Variants in DPP3 observed in about 807,000 individuals in gnomAD.
The protein encoded by DPP3 is DPP III.
A neutral mutation model predicts 89.8 loss-of-function variants in DPP3; 64 were observed. The ratio of observed to expected loss-of-function variants is 0.71; its 90% CI spans 0.58 to 0.88. DPP3 has a LOEUF of 0.88. DPP3 is among the 40% of genes least tolerant of loss of function. The pLI, the probability that DPP3 is intolerant of heterozygous loss-of-function variation, is 0.00. For missense variants in DPP3, 835 were observed against 972.5 expected (o/e 0.86, Z 1.88); for synonymous variants, 377 against 404.3 (o/e 0.93, Z 0.81).
At chr11:66,493,489 G>A in intron 11 of DPP3, 52 bp from the exon 12 acceptor site, 3 of 1,585,702 alleles carry the variant, frequency 1.9e-6, no homozygotes, top group Non-Finnish European at 2.6e-6. Flanking sequence ...CCGACAGGCT[G>A]TATAGCCAGG....
intron 17 of DPP3, among the ~76,000 whole-genome samples, chr11:66,506,261 T>C (rs943920108): frequency 2.8e-5 from 4 of 140,796 alleles, no homozygotes; most frequent in African/African-American, 1.1e-4. Flanking sequence ...TATTTTATTT[T>C]ATTTATTTCT....
chr11:66,507,923 C>T (rs537105498), intron 17 of DPP3, among the ~76,000 whole-genome samples: 69 of 152,212 alleles, frequency 4.5e-4, no homozygotes, highest in Admixed American at 9.8e-4. Context: ...GTGATCCACC[C>T]GCCTCAGCCT....
intron 3 of DPP3, among the ~76,000 whole-genome samples, chr11:66,485,790 A>G (rs1855209280): frequency 6.6e-6 from 1 of 152,072 alleles, no homozygotes; most frequent in South Asian, 2.1e-4. Context: ...CTGTCACCCA[A>G]GCTGAAGTGT....
At chr11:66,481,785 T>C (rs778138866) in intron 1 of DPP3, among the ~76,000 whole-genome samples, 9 of 151,998 alleles carry the variant, frequency 5.9e-5, no homozygotes, top group Non-Finnish European at 1.0e-4. Flanking sequence ...GTAGCTGAGA[T>C]TACAGGTGCC....
chr11:66,486,407 G>T, intron 3 of DPP3, 133 bp from the exon 4 acceptor site: 1 of 1,130,454 alleles, frequency 8.8e-7, no homozygotes, highest in South Asian at 2.8e-5. Flanking sequence ...ACCTACAAGT[G>T]CTGCTGGTCC....
At chr11:66,502,179 A>G (rs539925478) in intron 16 of DPP3, among the ~76,000 whole-genome samples, 9 of 152,150 alleles carry the variant, frequency 5.9e-5, no homozygotes, top group Non-Finnish European at 1.2e-4. Context: ...CAACAGCGAG[A>G]CTCCATCTCA....
chr11:66,507,840 G>A (rs1270555759), intron 17 of DPP3, among the ~76,000 whole-genome samples: 1 of 151,944 alleles, frequency 6.6e-6, no homozygotes, highest in East Asian at 1.9e-4. Context: ...ACCATGCCCA[G>A]CTAATTTTGT....
At chr11:66,507,725 C>G (rs1400875128) in intron 17 of DPP3, among the ~76,000 whole-genome samples, 1 of 149,398 alleles carries the variant, frequency 6.7e-6, no homozygotes, top group African/African-American at 2.5e-5. Context: ...CTCACTCTGT[C>G]CCGCAGGCAG....
Position 66,491,692 on chromosome 11 carries a change from C to G in DPP3, c.930-6C>G, listed in dbSNP as rs1226904403. Reference sequence around the variant, plus strand: ...CCTCCTCCACCTCTGCCCTTCTCTCCCCCAGTTACATCGGGTTCATCGAGA... The same window carrying G: ...CCTCCTCCACCTCTGCCCTTCTCTCGCCCAGTTACATCGGGTTCATCGAGA... On this transcript the variant is annotated splice_region_variant and splice_polypyrimidine_tract_variant and intron_variant, in intron 8 of 17. Transcript: ENST00000531863. 6.2e-7 allele frequency: 1 copy of G among 1,613,508 alleles called. No homozygotes were observed. The highest frequency in any genetic ancestry group is 1.3e-5 in the African/African-American group (1 of 74,794).
At chr11:66,508,635 G>T (rs766414136) in intron 17 of DPP3, among the ~76,000 whole-genome samples, 11 of 152,154 alleles carry the variant, frequency 7.2e-5, no homozygotes, top group Non-Finnish European at 4.4e-5. Context: ...CAATTCTCCA[G>T]CCTCAGCCTC....
chr11:66,497,931 A>G (rs1004588897), intron 16 of DPP3, among the ~76,000 whole-genome samples: 21 of 151,214 alleles, frequency 1.4e-4, no homozygotes, highest in African/African-American at 1.9e-4. Flanking sequence ...TTATTTATTT[A>G]TTTGTTTGTT....
chr11:66,498,094 G>A (rs188129305), intron 16 of DPP3, among the ~76,000 whole-genome samples: 1,844 of 145,136 alleles, frequency 0.013, 15 homozygotes, highest in Non-Finnish European at 0.021. Context: ...CACCACGCCC[G>A]GCTAATTTTT....
intron 6 of DPP3, among the ~76,000 whole-genome samples, chr11:66,490,659 C>T (rs1427973010): frequency 6.6e-6 from 1 of 152,170 alleles, no homozygotes; most frequent in Non-Finnish European, 1.5e-5. Context: ...ATGTCCGCCT[C>T]CTCCCAGAGT....
At position 66,495,083 on chromosome 11, in the gene DPP3, C is replaced by T. The variant is rs1855494437; in HGVS notation, c.1390-123C>T. The stretch of plus-strand genomic sequence containing the variant: ...TCAGTGTGTGGACAGACCTGCTGCT[C>T]CCGCCGCCCGCTCCTGCGCTCCCGC... On this transcript the variant is annotated intron_variant, in intron 12 of 17. Coordinates refer to ENST00000531863, the MANE Select transcript of DPP3 (RefSeq NM_130443.4). 4 of 1,402,926 alleles carry T rather than the reference C, an allele frequency of 2.9e-6. No homozygotes were observed. In the Admixed American group the frequency reaches 5.1e-5, roughly 18 times the overall value. 86.9% of individuals were successfully genotyped at this position (1,402,926 alleles called of 1,614,324 possible). A position where few individuals can be genotyped will look rare whatever the true frequency, so the allele number is the denominator to read the frequency against.
chr11:66,480,668 G>A (rs1360709042), intron 1 of DPP3: 2 of 522,876 alleles, frequency 3.8e-6, no homozygotes, highest in South Asian at 4.8e-5. Flanking sequence ...TGCTATTGGG[G>A]CGGGGCTTCT....
intron 2 of DPP3, among the ~76,000 whole-genome samples, chr11:66,483,506 A>T (rs1341927835): frequency 6.6e-6 from 1 of 152,070 alleles, no homozygotes; most frequent in African/African-American, 2.4e-5. Context: ...GGTACATTTA[A>T]ATGTACCTCA....
In DPP3 at chr11:66,505,809, TAAAAAAAAA is replaced by T. The variant is rs775818602; in HGVS notation, c.2041+1048_2041+1056del. The stretch of plus-strand genomic sequence containing the variant: ...GCTACAGAGCAAGACCTCAACTCTT[TAAAAAAAAA>T]AAAAAAAAAAAAGCATTGTCCTGGG... On this transcript the variant is annotated intron_variant, in intron 17 of 17. Coordinates refer to ENST00000531863, the MANE Select transcript of DPP3 (RefSeq NM_130443.4). 3.4e-5 allele frequency among the ~76,000 whole-genome samples: 3 copies of T among 88,110 alleles called. No individual in the cohort carries two copies. The South Asian group carries it at 9.6e-4, about 28-fold the overall frequency. The allele number at this position is 88,110 out of a possible 152,430, so 57.8% of individuals were successfully genotyped here.
Position 66,495,620 on chromosome 11 carries a change from C to T in DPP3, c.1578-10C>T. ...CTGACCATCCTGCCACCTGCCTGCC[C>T]CTCTCACAGGATCTTTGGCTTTGAG... On this transcript the variant is annotated splice_polypyrimidine_tract_variant and intron_variant, in intron 14 of 17. Coordinates refer to ENST00000531863, the MANE Select transcript of DPP3 (RefSeq NM_130443.4). 1 of 1,614,152 alleles carries T rather than the reference C, an allele frequency of 6.2e-7. No homozygotes were observed. Among genetic ancestry groups the T allele is most frequent in the South Asian group, 1.1e-5 (1 of 91,092 alleles).
intron 17 of DPP3, among the ~76,000 whole-genome samples, chr11:66,506,597 A>T (rs1855808523): frequency 1.3e-5 from 2 of 151,894 alleles, no homozygotes; most frequent in South Asian, 4.2e-4. Context: ...ATGCTTTTCC[A>T]TGCTCTCCAG....
Sources: allele counts gnomAD v4.1 joint callset (sites outside exome capture counted in the v4.1 genomes callset), GRCh38; gene constraint gnomAD v4.1.1; transcripts MANE v1.5; gene names NCBI Gene and HGNC (gene_info 2026-07-23, HGNC 2026-07-21).